ANKFN1: variants seen among roughly 807,000 people sequenced by gnomAD.
ANKFN1 encodes the protein ankyrin repeat and fibronectin type-III domain-containing protein 1.
Under a neutral mutation model 108.7 loss-of-function variants are expected in ANKFN1, and 74 were observed. The ratio of observed to expected loss-of-function variants is 0.68; its 90% confidence interval spans 0.56 to 0.83. The LOEUF is 0.83. ANKFN1 is among the 40% of genes least tolerant of loss of function. ANKFN1 has a pLI of 0.00. For missense variants in ANKFN1, 1,505 were observed against 1,382.3 expected (o/e 1.09, Z -1.41); for synonymous variants, 547 against 516.2 (o/e 1.06, Z -0.81).
At chr17:56,288,530 A>C (rs1270359791) in intron 3 of ANKFN1, among the ~76,000 whole-genome samples, 1 of 152,130 alleles carries the variant, frequency 6.6e-6, no homozygotes, top group African/African-American at 2.4e-5. Flanking sequence ...GAAAAGATAA[A>C]AGTATATGTT....
chr17:56,078,691 A>G (rs1279196658), intron 4 of ANKFN1, among the ~76,000 whole-genome samples: 1 of 152,186 alleles, frequency 6.6e-6, no homozygotes, highest in East Asian at 1.9e-4. Context: ...AGAAACACAG[A>G]TACCCTGGGC....
intron 8 of ANKFN1, among the ~76,000 whole-genome samples, chr17:56,389,282 A>G (rs1019575232): frequency 5.9e-5 from 9 of 152,232 alleles, no homozygotes; most frequent in Non-Finnish European, 1.3e-4. Flanking sequence ...TGAGAATTCT[A>G]CTAAGTAAAA....
intron 4 of ANKFN1, among the ~76,000 whole-genome samples, chr17:56,128,347 T>C (rs181713613): frequency 1.2e-4 from 18 of 152,290 alleles, no homozygotes; most frequent in Non-Finnish European, 2.1e-4. Flanking sequence ...GTTTGCTTTG[T>C]GATTTTCCTT....
chr17:56,384,538 TC>T (rs1325469855), intron 8 of ANKFN1, among the ~76,000 whole-genome samples: 1 of 152,190 alleles, frequency 6.6e-6, no homozygotes, highest in Non-Finnish European at 1.5e-5. Context: ...AATCAAATTG[TC>T]CCTGTTTGCA....
chr17:56,059,410 T>C (rs1340090999), intron 4 of ANKFN1, among the ~76,000 whole-genome samples: 2 of 152,244 alleles, frequency 1.3e-5, no homozygotes, highest in African/African-American at 2.4e-5. Context: ...TAGTTTCTTT[T>C]GCTGTGCAGA....
chr17:56,421,723 AG>A (rs923576789), intron 8 of ANKFN1, among the ~76,000 whole-genome samples: 10 of 152,156 alleles, frequency 6.6e-5, no homozygotes, highest in African/African-American at 2.4e-4. Flanking sequence ...ACCCTTCAAA[AG>A]TTTGTCAAGG....
chr17:56,240,222 C>T (rs905727958), intron 3 of ANKFN1, among the ~76,000 whole-genome samples: 1 of 152,054 alleles, frequency 6.6e-6, no homozygotes, highest in African/African-American at 2.4e-5. Context: ...GTATGCTTAT[C>T]CTTGTTTTTC....
At chr17:56,091,415 AAAT>A (rs1905414901) in intron 4 of ANKFN1, among the ~76,000 whole-genome samples, 1 of 112,674 alleles carries the variant, frequency 8.9e-6, no homozygotes, top group African/African-American at 3.4e-5. Context: ...TCTTCCAAAC[AAAT>A]CACACACACA....
chr17:56,054,125 A>G (rs1421993910), intron 4 of ANKFN1, among the ~76,000 whole-genome samples: 1 of 152,218 alleles, frequency 6.6e-6, no homozygotes, highest in African/African-American at 2.4e-5. Flanking sequence ...GTTGGTGGGA[A>G]TGTAAATTAG....
chr17:56,336,327 G>A (rs933108857), intron 4 of ANKFN1, among the ~76,000 whole-genome samples: 32 of 152,192 alleles, frequency 2.1e-4, no homozygotes, highest in South Asian at 2.1e-4. Context: ...GGTAGAATTC[G>A]GCTGGGAATC....
intron 14 of ANKFN1, 89 bp downstream of exon 14, chr17:56,458,068 G>T (rs906264908): frequency 5.3e-5 from 58 of 1,085,764 alleles, no homozygotes; most frequent in Non-Finnish European, 6.8e-5. Context: ...AAAGGAAAAG[G>T]ATGGGCTCCC....
intron 1 of ANKFN1, among the ~76,000 whole-genome samples, chr17:56,166,681 C>T (rs1033060668): frequency 6.6e-6 from 1 of 152,074 alleles, no homozygotes; most frequent in East Asian, 1.9e-4. Flanking sequence ...CAAAATCTGA[C>T]CCACCCTACA....
chr17:56,085,180 C>CATGCATATATATATATATATAT (rs1905293432), intron 4 of ANKFN1, among the ~76,000 whole-genome samples: 1 of 137,718 alleles, frequency 7.3e-6, no homozygotes, highest in African/African-American at 2.8e-5. Flanking sequence ...CCCTCCAAAG[C>CATGCATATATATATATATATAT]ATATATATAT....
intron 8 of ANKFN1, among the ~76,000 whole-genome samples, chr17:56,377,492 A>T (rs1390626095): frequency 6.6e-6 from 1 of 151,848 alleles, no homozygotes; most frequent in Non-Finnish European, 1.5e-5. Context: ...GGGCTAGGAG[A>T]TCTACTCTCT....
At chr17:56,117,095 T>G (rs1906328043) in intron 4 of ANKFN1, among the ~76,000 whole-genome samples, 1 of 152,202 alleles carries the variant, frequency 6.6e-6, no homozygotes, top group African/African-American at 2.4e-5. Context: ...TTCCTTATTT[T>G]TTTCTTCATA....
chr17:56,416,622 A>G (rs1473573043), intron 8 of ANKFN1, among the ~76,000 whole-genome samples: 3 of 152,214 alleles, frequency 2.0e-5, no homozygotes, highest in Non-Finnish European at 4.4e-5. Flanking sequence ...GTAAATTCGT[A>G]CAACCACTAT....
At chr17:56,240,217 C>T (rs576602773) in intron 3 of ANKFN1, among the ~76,000 whole-genome samples, 1 of 152,164 alleles carries the variant, frequency 6.6e-6, no homozygotes, top group South Asian at 2.1e-4. Flanking sequence ...ATCCTGTATG[C>T]TTATCCTTGT....
intron 8 of ANKFN1, among the ~76,000 whole-genome samples, chr17:56,420,156 A>G (rs906430619): frequency 7.2e-5 from 11 of 152,218 alleles, no homozygotes; most frequent in African/African-American, 2.7e-4. Flanking sequence ...TAGACTGAAT[A>G]AGTGGCTGCA....
intron 4 of ANKFN1, among the ~76,000 whole-genome samples, chr17:56,331,776 T>C (rs1239721599): frequency 1.3e-5 from 2 of 152,130 alleles, no homozygotes; most frequent in Admixed American, 6.5e-5. Context: ...TGTTTTAGCA[T>C]GTAAAAACAA....
Sources: allele counts gnomAD v4.1 joint callset (sites outside exome capture counted in the v4.1 genomes callset), GRCh38; gene constraint gnomAD v4.1.1; transcripts MANE v1.5; gene names NCBI Gene and HGNC (gene_info 2026-07-23, HGNC 2026-07-21).